Variants in GLDN observed in about 807,000 individuals in gnomAD.
The protein encoded by GLDN is collomin.
GLDN carries 47 observed loss-of-function variants against 56.5 expected under a neutral mutation model. The ratio of observed to expected loss-of-function variants is 0.83; its 90% CI spans 0.66 to 1.06. The LOEUF (loss-of-function observed/expected upper bound fraction) is 1.06. Among genes scored for constraint, GLDN ranks in the 50% least tolerant of loss-of-function variants. GLDN has a pLI of 0.00. For missense variants in GLDN, 782 were observed against 714.3 expected (o/e 1.09, Z -1.08); for synonymous variants, 332 against 278.8 (o/e 1.19, Z -1.90).
intron 4 of GLDN, among the ~76,000 whole-genome samples, chr15:51,389,229 G>A (rs1489548527): frequency 6.6e-6 from 1 of 152,182 alleles, no homozygotes; most frequent in Non-Finnish European, 1.5e-5. Context: ...GTCAATGAAG[G>A]CAGGGACTAT....
intron 1 of GLDN, among the ~76,000 whole-genome samples, chr15:51,368,295 A>C (rs1164024040): frequency 2.0e-5 from 3 of 152,174 alleles, no homozygotes; most frequent in Non-Finnish European, 2.9e-5. Context: ...TTGAGAAGTC[A>C]GCGTAACAGC....
intron 2 of GLDN, among the ~76,000 whole-genome samples, chr15:51,382,736 A>AAAAAG (rs567926070): frequency 0.09 from 13,494 of 149,696 alleles, 1,280 homozygotes; most frequent in African/African-American, 0.23. Context: ...CAAAAAAAAA[A>AAAAAG]AAAAGAAAAG....
chr15:51,364,038 GT>G (rs2037354330), intron 1 of GLDN, among the ~76,000 whole-genome samples: 1 of 152,130 alleles, frequency 6.6e-6, no homozygotes, highest in East Asian at 1.9e-4. Flanking sequence ...TTCATCATAT[GT>G]TTTAAACAGT....
chr15:51,401,702 C>T lies in GLDN; in HGVS notation c.1137C>T (p.Asn379=). Reference sequence around the variant, plus strand: ...GCTGTGGGCACGTTGTTTACAACAACTCTCTCTACTACCACAAAGGGGGTT... The same window carrying T: ...GCTGTGGGCACGTTGTTTACAACAATTCTCTCTACTACCACAAAGGGGGTT... The part of the protein sequence containing the change: ...FHGCGHVVYN[N]SLYYHKGGSN... Residue 379 remains asparagine (N), a synonymous_variant, in exon 9 of 10, where the codon AAC becomes AAT. Coordinates refer to ENST00000335449, the MANE Select transcript of GLDN (RefSeq NM_181789.4). 3.1e-6 allele frequency: 5 copies of T among 1,614,170 alleles called. No individual in the cohort carries two copies. Among genetic ancestry groups the T allele is most frequent in the Non-Finnish European group, 4.2e-6 (5 of 1,179,996 alleles).
At chr15:51,396,141 C>T (rs1319537984) in intron 5 of GLDN, among the ~76,000 whole-genome samples, 1 of 152,214 alleles carries the variant, frequency 6.6e-6, no homozygotes, top group Non-Finnish European at 1.5e-5. Flanking sequence ...TTAACCACCT[C>T]CACCTGGCAA....
intron 4 of GLDN, 57 bp downstream of exon 4, chr15:51,383,949 T>C: frequency 7.8e-7 from 1 of 1,274,346 alleles, no homozygotes; most frequent in East Asian, 2.5e-5. Context: ...ATGATTGCAT[T>C]TGGGTCGACT....
At chr15:51,360,844 A>AG (rs1005943972) in intron 1 of GLDN, among the ~76,000 whole-genome samples, 4 of 152,098 alleles carry the variant, frequency 2.6e-5, no homozygotes, top group African/African-American at 9.7e-5. Context: ...CCCTGTGTGG[A>AG]GGGAGGAGAG....
chr15:51,400,866 T>C (rs965007793), intron 8 of GLDN, among the ~76,000 whole-genome samples: 1 of 152,200 alleles, frequency 6.6e-6, no homozygotes, highest in African/African-American at 2.4e-5. Context: ...TTCTCTAAGG[T>C]TGCCGCCCTC....
chr15:51,404,205 G>A, intron 9 of GLDN, 72 bp from the exon 10 acceptor site: 2 of 1,197,560 alleles, frequency 1.7e-6, no homozygotes, highest in Non-Finnish European at 2.3e-6. Flanking sequence ...CAGTTTAATA[G>A]AGGAGCCTAA....
chr15:51,409,206 T>A (rs2038437909), downstream of GLDN, among the ~76,000 whole-genome samples: 1 of 151,680 alleles, frequency 6.6e-6, no homozygotes, highest in South Asian at 2.1e-4. Flanking sequence ...AAATGGTCCC[T>A]TAGTTATACA....
intron 1 of GLDN, among the ~76,000 whole-genome samples, chr15:51,342,920 A>G (rs187019720): frequency 8.5e-5 from 13 of 152,340 alleles, no homozygotes; most frequent in Admixed American, 7.8e-4. Flanking sequence ...AAGTCTTCAA[A>G]GCCTCAAAGA....
At chr15:51,353,981 G>GA (rs1413090151) in intron 1 of GLDN, among the ~76,000 whole-genome samples, 1 of 152,172 alleles carries the variant, frequency 6.6e-6, no homozygotes. Flanking sequence ...CTTTTATGTA[G>GA]ATCTTTAACA....
intron 1 of GLDN, among the ~76,000 whole-genome samples, chr15:51,374,618 G>A (rs1186231649): frequency 6.6e-6 from 1 of 152,130 alleles, no homozygotes; most frequent in Non-Finnish European, 1.5e-5. Context: ...TATTGGGGGT[G>A]AGGGGACATC....
downstream of GLDN, among the ~76,000 whole-genome samples, chr15:51,408,676 C>T (rs530651714): frequency 3.1e-4 from 47 of 152,250 alleles, no homozygotes; most frequent in African/African-American, 9.9e-4. Flanking sequence ...TAATGCTATC[C>T]GTCCACCCCA....
At chr15:51,388,271 C>T (rs1008805493) in intron 4 of GLDN, among the ~76,000 whole-genome samples, 1 of 152,202 alleles carries the variant, frequency 6.6e-6, no homozygotes, top group Non-Finnish European at 1.5e-5. Context: ...CAGTCTGACT[C>T]CCCAAGTGGG....
intron 1 of GLDN, among the ~76,000 whole-genome samples, chr15:51,361,442 C>T (rs1180992460): frequency 2.0e-5 from 3 of 152,044 alleles, no homozygotes; most frequent in African/African-American, 7.2e-5. Context: ...GGTTTCTTGC[C>T]ATACTAAGAG....
chr15:51,400,128 T>C, intron 6 of GLDN, 64 bp from the exon 7 acceptor site: 1 of 1,399,386 alleles, frequency 7.1e-7, no homozygotes, highest in Non-Finnish European at 1.0e-6. Flanking sequence ...GCAGCAGCTA[T>C]AAAGTCCAAC....
chr15:51,395,299 A>G (rs1429341957), intron 5 of GLDN, among the ~76,000 whole-genome samples: 1 of 152,250 alleles, frequency 6.6e-6, no homozygotes, highest in Non-Finnish European at 1.5e-5. Context: ...GTAAGCAGGC[A>G]ACTTACGACA....
chr15:51,398,326 A>G (rs555536485), intron 6 of GLDN, among the ~76,000 whole-genome samples: 39 of 152,242 alleles, frequency 2.6e-4, no homozygotes, highest in Non-Finnish European at 4.0e-4. Flanking sequence ...TCTTTAGCCA[A>G]TTTGTGGCAC....
Sources: allele counts gnomAD v4.1 joint callset (sites outside exome capture counted in the v4.1 genomes callset), GRCh38; gene constraint gnomAD v4.1.1; transcripts MANE v1.5; gene names NCBI Gene and HGNC (gene_info 2026-07-23, HGNC 2026-07-21).